PLA1A: variants seen among roughly 807,000 people sequenced by gnomAD.
PLA1A encodes the protein phospholipase A1 member A.
PLA1A carries 47 observed loss-of-function variants against 49.4 expected under a neutral mutation model. That is an observed-to-expected ratio of 0.95 (90% CI 0.75 to 1.21). The LOEUF is 1.21. PLA1A is among the 50% of genes most tolerant of loss of function. The pLI, the probability that PLA1A is intolerant of heterozygous loss-of-function variation, is 0.00. For missense variants in PLA1A, 561 were observed against 563.9 expected, an observed-to-expected ratio of 0.99 and a Z score of 0.05; for synonymous variants, 224 against 207.9, an observed-to-expected ratio of 1.08 and a Z score of -0.67.
chr3:119,626,307 G>T (rs1010614050), intron 9 of PLA1A, among the ~76,000 whole-genome samples: 4 of 152,208 alleles, frequency 2.6e-5, no homozygotes, highest in Non-Finnish European at 4.4e-5. Context: ...GGGGGAACCT[G>T]CAGGGGAATA....
intron 1 of PLA1A, among the ~76,000 whole-genome samples, chr3:119,602,380 T>G (rs1016470465): frequency 5.9e-5 from 9 of 152,234 alleles, no homozygotes; most frequent in Non-Finnish European, 7.3e-5. Context: ...TTTGGTAAGT[T>G]ACGTTTTTCT....
At chr3:119,618,867 C>G (rs2082890003) in intron 7 of PLA1A, among the ~76,000 whole-genome samples, 1 of 152,170 alleles carries the variant, frequency 6.6e-6, no homozygotes, top group African/African-American at 2.4e-5. Flanking sequence ...ACTGCAGCAG[C>G]CTGTCACTGC....
chr3:119,612,258 C>T (rs935150679), intron 4 of PLA1A, among the ~76,000 whole-genome samples: 2 of 152,112 alleles, frequency 1.3e-5, no homozygotes, highest in Admixed American at 1.3e-4. Context: ...ACTCTTGTGG[C>T]AGGGTCTGCT....
chr3:119,620,999 G>T (rs139617178), intron 8 of PLA1A, among the ~76,000 whole-genome samples: 2 of 152,152 alleles, frequency 1.3e-5, no homozygotes, highest in African/African-American at 4.8e-5. Context: ...CCTGCTGTCC[G>T]CAGGCCGTAC....
intron 8 of PLA1A, among the ~76,000 whole-genome samples, chr3:119,622,153 GAAGAAGAAGAAGAA>G (rs2082946427): frequency 3.1e-5 from 1 of 31,984 alleles, no homozygotes; most frequent in Non-Finnish European, 6.7e-5. Flanking sequence ...GGAGGAGGAA[GAAGAAGAAGAAGAA>G]GAAGAAGAAG....
intron 8 of PLA1A, among the ~76,000 whole-genome samples, chr3:119,622,911 C>T (rs939532531): frequency 6.6e-6 from 1 of 152,166 alleles, no homozygotes; most frequent in Non-Finnish European, 1.5e-5. Context: ...ACTGCAACCT[C>T]CGCCTCTTGG....
In PLA1A at chr3:119,612,315, T is replaced by C. The variant is rs59716272; in HGVS notation, c.563-702T>C. 9.0e-3 allele frequency among the ~76,000 whole-genome samples: 1,370 copies of C among 152,270 alleles called. 8 individuals are homozygous for C. Among genetic ancestry groups the C allele is most frequent in the African/African-American group, 0.028 (1,166 of 41,540 alleles). ...GATCCAAACTGAGAGATGGGAATAGTAGTATTCACAGTAATCACTGTGTTA... is the reference window on the plus strand; with the variant it reads ...GATCCAAACTGAGAGATGGGAATAGCAGTATTCACAGTAATCACTGTGTTA... On this transcript the variant is annotated intron_variant, in intron 4 of 10. Coordinates refer to ENST00000273371, the MANE Select transcript of PLA1A (RefSeq NM_015900.4).
At chr3:119,609,381 G>C in intron 3 of PLA1A, 87 bp from the exon 4 acceptor site, 1 of 853,360 alleles carries the variant, frequency 1.2e-6, no homozygotes, top group Non-Finnish European at 2.1e-6. Context: ...CAGGGCCTCG[G>C]CTTCTGAAGC....
intron 9 of PLA1A, among the ~76,000 whole-genome samples, chr3:119,626,820 C>T (rs2052544560): frequency 1.3e-5 from 2 of 152,190 alleles, no homozygotes; most frequent in East Asian, 1.9e-4. Context: ...GATTCCAGCA[C>T]AGGCCTGCAG....
intron 8 of PLA1A, 114 bp downstream of exon 8, chr3:119,619,766 G>T (rs1436525976): frequency 1.3e-6 from 1 of 769,828 alleles, no homozygotes; most frequent in Non-Finnish European, 2.3e-6. Flanking sequence ...ATCACCGGAG[G>T]TGTGGCAACA....
chr3:119,614,272 T>C (rs1265499428), intron 5 of PLA1A, among the ~76,000 whole-genome samples: 1 of 152,180 alleles, frequency 6.6e-6, no homozygotes, highest in Non-Finnish European at 1.5e-5. Context: ...ACAGGCCTCT[T>C]CCTAGCTATG....
At chr3:119,614,863 C>T (rs1219462003) in intron 5 of PLA1A, among the ~76,000 whole-genome samples, 11 of 152,130 alleles carry the variant, frequency 7.2e-5, no homozygotes, top group Non-Finnish European at 1.0e-4. Context: ...TTACAGGCTA[C>T]GTGGACTGTA....
At chr3:119,625,500 C>G (rs2052510745) in intron 9 of PLA1A, among the ~76,000 whole-genome samples, 1 of 152,112 alleles carries the variant, frequency 6.6e-6, no homozygotes. Flanking sequence ...ATGGAGAGGA[C>G]ATAGGAATCA....
chr3:119,628,977 T>A, intron 10 of PLA1A, 112 bp downstream of exon 10: 1 of 901,792 alleles, frequency 1.1e-6, no homozygotes, highest in Non-Finnish European at 1.7e-6. Context: ...ATTATCATCT[T>A]AGAAGCAGAG....
intron 2 of PLA1A, among the ~76,000 whole-genome samples, chr3:119,607,783 C>T (rs1235124888): frequency 6.6e-6 from 1 of 152,190 alleles, no homozygotes; most frequent in Non-Finnish European, 1.5e-5. Flanking sequence ...GTGTGTACCT[C>T]CAACCCAGGG....
intron 1 of PLA1A, among the ~76,000 whole-genome samples, chr3:119,600,067 G>A (rs2082596807): frequency 6.6e-6 from 1 of 152,140 alleles, no homozygotes; most frequent in Non-Finnish European, 1.5e-5. Context: ...GATGAAGTAG[G>A]TGGACAGAAA....
At chr3:119,617,607 G>A (rs1577148876) in intron 6 of PLA1A, among the ~76,000 whole-genome samples, 1 of 151,982 alleles carries the variant, frequency 6.6e-6, no homozygotes, top group South Asian at 2.1e-4. Context: ...GTGAGGCATG[G>A]TGGTGTGCGC....
At chr3:119,617,914 G>A in intron 6 of PLA1A, 105 bp from the exon 7 acceptor site, 1 of 808,840 alleles carries the variant, frequency 1.2e-6, no homozygotes, top group East Asian at 2.6e-5. Flanking sequence ...TCCCATGCAT[G>A]TATTTACAGC....
At chr3:119,603,192 A>G (rs1274582669) in intron 1 of PLA1A, among the ~76,000 whole-genome samples, 1 of 151,972 alleles carries the variant, frequency 6.6e-6, no homozygotes, top group East Asian at 1.9e-4. Flanking sequence ...AAAAATCGTG[A>G]CTGCTGTGTT....
Sources: gnomAD v4.1 joint callset for allele counts (sites outside exome capture counted in the v4.1 genomes callset) on GRCh38, gnomAD v4.1.1 for gene constraint, MANE v1.5 for transcripts, NCBI Gene and HGNC (gene_info 2026-07-23, HGNC 2026-07-21) for gene names.